Variants in RNF10 observed in about 807,000 individuals in gnomAD.
The protein encoded by RNF10 is E3 ubiquitin-protein ligase RNF10.
Under a neutral mutation model 91.4 loss-of-function variants are expected in RNF10, and 38 were observed. The observed-to-expected ratio is 0.42, with a 90% confidence interval of 0.32 to 0.54. RNF10 has a LOEUF of 0.54. RNF10 is among the 20% of genes least tolerant of loss of function. RNF10 has a pLI of 0.16. For synonymous variants in RNF10, 364 were observed against 366.3 expected (o/e 0.99, Z 0.07); for missense variants, 945 against 1,012.0 (o/e 0.93, Z 0.90).
intron 1 of RNF10, chr12:120,535,683 T>C (rs1367153921): frequency 1.3e-5 from 2 of 152,090 alleles, no homozygotes; most frequent in Non-Finnish European, 2.9e-5. Context: ...ATACACATAA[T>C]GTCTATTGTT....
chr12:120,552,577 A>G lies in RNF10; in HGVS notation c.433A>G (p.Asn145Asp). The change falls in exon 3 of 17, where the codon AAT becomes GAT. Residue 145 changes from asparagine (N) to aspartate (D), a missense_variant. Coordinates refer to ENST00000325954, the MANE Select transcript of RNF10 (RefSeq NM_014868.5). ...GAAGATCAACCTGAACCACTTGTTG[A>G]ATTTCACTTTTGAACCCCGTGGCCA... ...PKKINLNHLL[N>D]FTFEPRGQTG... is the part of the protein sequence containing the mutation. 6.2e-7 allele frequency: 1 copy of G among 1,614,200 alleles called. No individual in the cohort carries two copies.
chr12:120,534,811 G>C lies in RNF10; in HGVS notation c.-1G>C, dbSNP rs1593034897. On this transcript the variant is annotated 5_prime_UTR_variant, in exon 1 of 17. Coordinates refer to ENST00000325954, the MANE Select transcript of RNF10 (RefSeq NM_014868.5). ...TGCCGTCGCCGCCGAGGCCCCCGTT[G>C]ATGCCGCTGAGCTCCCCCAACGCCG... is the stretch of plus-strand genomic sequence containing the variant. 1.3e-6 allele frequency: 2 copies of C among 1,572,988 alleles called. No individual in the cohort carries two copies. Among genetic ancestry groups the C allele is most frequent in the East Asian group, 2.3e-5 (1 of 43,094 alleles).
chr12:120,554,341 G>A (rs541175646), intron 3 of RNF10: 8 of 203,498 alleles, frequency 3.9e-5, no homozygotes, highest in East Asian at 1.6e-4. Flanking sequence ...GTGCCTGGCC[G>A]AGAACAGTCT....
intron 14 of RNF10, chr12:120,574,908 C>T (rs1427047836): frequency 5.2e-6 from 1 of 192,278 alleles, no homozygotes; most frequent in African/African-American, 2.4e-5. Context: ...GCCTGGGCAA[C>T]AAGAGCGAAA....
At chr12:120,539,441 GGTGCTT>G (rs1275360443) in intron 1 of RNF10, 44 of 1,288,394 alleles carry the variant, frequency 3.4e-5, no homozygotes, top group Non-Finnish European at 4.5e-5. Flanking sequence ...CCCCTCTGGA[GGTGCTT>G]GTCAACTACT....
chr12:120,567,130 T>G (rs1875867349), intron 13 of RNF10, 150 bp downstream of exon 13: 3 of 697,114 alleles, frequency 4.3e-6, no homozygotes, highest in Non-Finnish European at 6.8e-6. Context: ...TCAAATTCTT[T>G]TATTCATCTT....
At chr12:120,552,099 A>AG (rs1248933418) in intron 2 of RNF10, among the ~76,000 whole-genome samples, 2 of 149,960 alleles carry the variant, frequency 1.3e-5, no homozygotes, top group East Asian at 4.0e-4. Context: ...AAAAAAAAAA[A>AG]AATTCCTCTT....
In RNF10 at chr12:120,563,950, C is replaced by T; in HGVS notation, c.1665+7C>T. On this transcript the variant is annotated splice_region_variant and intron_variant, in intron 10 of 16. Transcript: ENST00000325954. ...TGGCTACTCCATGTCTGAGGTGAGG[C>T]CTTCCTGTAGAAATGGAGGGTCAGG... The T allele has an allele frequency of 5.0e-6, 8 of 1,614,038 alleles. No individual in the cohort carries two copies. Among genetic ancestry groups the T allele is most frequent in the Non-Finnish European group, 6.8e-6 (8 of 1,179,976 alleles).
Position 120,563,379 on chromosome 12 carries a change from AG to A in RNF10, c.1288del (p.Glu430LysfsTer20). On this transcript the variant is annotated frameshift_variant, in exon 9 of 17. Transcript: ENST00000325954. LOFTEE classifies it high-confidence loss of function. Reference protein sequence around the residue: ...VLEYLSAFDEETTEVCSLDTP... With the variant: ...VLEYLSAFDEXTTEVCSLDTP... ...TGGAGTATCTGTCTGCCTTCGATGA[AG>A]AAACCACGGAAGTTTGTTCTCTGGA... The A allele has an allele frequency of 1.9e-6, 3 of 1,613,332 alleles. No individual in the cohort carries two copies. The highest frequency in any genetic ancestry group is 2.5e-6 in the Non-Finnish European group (3 of 1,179,910).
chr12:120,548,922 G>C (rs1329641660), intron 2 of RNF10, among the ~76,000 whole-genome samples: 1 of 151,980 alleles, frequency 6.6e-6, no homozygotes, highest in Non-Finnish European at 1.5e-5. Context: ...CGCCCGCTTC[G>C]GCCTCCCAAA....
At chr12:120,571,705 A>G (rs886703937) in intron 14 of RNF10, among the ~76,000 whole-genome samples, 1 of 152,136 alleles carries the variant, frequency 6.6e-6, no homozygotes, top group Non-Finnish European at 1.5e-5. Context: ...ACTGGATACT[A>G]TTGTAGGGGC....
intron 1 of RNF10, among the ~76,000 whole-genome samples, chr12:120,537,744 C>G (rs912261435): frequency 2.6e-5 from 4 of 152,086 alleles, no homozygotes; most frequent in African/African-American, 9.7e-5. Context: ...CCAGTGTCTG[C>G]TTTTCTGGCT....
At chr12:120,557,085 CAAAAAAA>C (rs36018229) in intron 4 of RNF10, among the ~76,000 whole-genome samples, 190 bp from the exon 5 acceptor site, 3 of 111,370 alleles carry the variant, frequency 2.7e-5, no homozygotes, top group South Asian at 2.8e-4. Flanking sequence ...TGGACCGTCT[CAAAAAAA>C]AAAAAAAAAG....
Position 120,554,770 on chromosome 12 carries a change from CCTGATACATTAGTTAA to C in RNF10, c.611_626del (p.Asp204GlyfsTer29). On this transcript the variant is annotated frameshift_variant, in exon 4 of 17. Coordinates refer to ENST00000325954, the MANE Select transcript of RNF10 (RefSeq NM_014868.5). LOFTEE classifies it high-confidence loss of function. ...AGACTACACAGCTCATTTTGCTGAT[CCTGATACATTAGTTAA>C]CTGGGACTTTGTGGAACAAGTGGTG... 6.2e-7 allele frequency: 1 copy of C among 1,614,132 alleles called. No individual in the cohort carries two copies. Among genetic ancestry groups the C allele is most frequent in the Non-Finnish European group, 8.5e-7 (1 of 1,179,990 alleles).
In RNF10 at chr12:120,577,101, A is replaced by G; in HGVS notation, c.*435A>G. On this transcript the variant is annotated 3_prime_UTR_variant, in exon 17 of 17. Transcript: ENST00000325954. ...AGTTTGTCTTTTAAAAAACAGCTGA[A>G]TCTTTACTACCTATTTAGTTCTCCT... is the stretch of plus-strand genomic sequence containing the variant. 2.3e-6 allele frequency: 1 copy of G among 431,468 alleles called. No homozygotes were observed. Among genetic ancestry groups the G allele is most frequent in the Non-Finnish European group, 4.6e-6 (1 of 218,010 alleles). 26.7% of individuals were successfully genotyped at this position (431,468 alleles called of 1,614,324 possible). A position where few individuals can be genotyped will look rare whatever the true frequency, so the allele number is the denominator to read the frequency against.
intron 2 of RNF10, among the ~76,000 whole-genome samples, chr12:120,549,405 C>T (rs763695637): frequency 2.0e-5 from 3 of 152,084 alleles, no homozygotes; most frequent in Non-Finnish European, 4.4e-5. Flanking sequence ...CCCTGTTTGT[C>T]TGCTGCAGGG....
chr12:120,560,608 A>G (rs1301555010), intron 6 of RNF10, 118 bp from the exon 7 acceptor site: 1 of 894,042 alleles, frequency 1.1e-6, no homozygotes, highest in African/African-American at 1.7e-5. Context: ...CTAGGAAATC[A>G]TGCTAAATTA....
chr12:120,575,543 T>C (rs947061353), intron 14 of RNF10, 88 bp from the exon 15 acceptor site: 1 of 1,406,422 alleles, frequency 7.1e-7, no homozygotes, highest in African/African-American at 1.4e-5. Flanking sequence ...GTTGGTTCTG[T>C]GCCTCTCCAG....
At chr12:120,559,010 CATTAAAATA>C (rs1431999876) in intron 6 of RNF10, among the ~76,000 whole-genome samples, 26 of 151,412 alleles carry the variant, frequency 1.7e-4, no homozygotes, top group African/African-American at 6.3e-4. Flanking sequence ...TAATTAAATT[CATTAAAATA>C]ATTAAAATTA....
Sources: allele counts gnomAD v4.1 joint callset (sites outside exome capture counted in the v4.1 genomes callset), GRCh38; gene constraint gnomAD v4.1.1; transcripts MANE v1.5; gene names NCBI Gene and HGNC (gene_info 2026-07-23, HGNC 2026-07-21).